The following TULP4 variants were observed in gnomAD, a reference collection of about 807,000 sequenced individuals.
The protein encoded by TULP4 is tubby-related protein 4.
A neutral mutation model predicts 129.0 loss-of-function variants in TULP4; 16 were observed. That is an observed-to-expected ratio of 0.12 (90% CI 0.08 to 0.19). The LOEUF (loss-of-function observed/expected upper bound fraction) is 0.19, where lower values mean the gene tolerates loss of function less well. TULP4 is among the 10% of genes least tolerant of loss of function. The pLI, the probability that TULP4 is intolerant of heterozygous loss-of-function variation, is 1.00. For synonymous variants in TULP4, 998 were observed against 854.0 expected (o/e 1.17, Z -2.94); for missense variants, 1,842 against 2,059.1 (o/e 0.89, Z 2.04).
intron 3 of TULP4, among the ~76,000 whole-genome samples, chr6:158,430,558 T>A (rs1778605996): frequency 6.6e-6 from 1 of 151,922 alleles, no homozygotes; most frequent in Admixed American, 6.6e-5. Context: ...GCCTGACCAA[T>A]ATGGTGAAAC....
chr6:158,238,417 T>G lies in TULP4; in HGVS notation n.68+6114T>G, dbSNP rs558785354. 18 of 96,976 alleles carry G rather than the reference T, an allele frequency of 1.9e-4. No individual in the cohort carries two copies. In the East Asian group the frequency reaches 2.0e-3, roughly 11 times the overall value. The allele number at this position is 96,976 out of a possible 1,614,324, so 6.0% of individuals were successfully genotyped here. A position where few individuals can be genotyped will look rare whatever the true frequency, so the allele number is the denominator to read the frequency against. On this transcript the variant is annotated intron_variant and non_coding_transcript_variant, in intron 1 of 1. Transcript: ENST00000620026. ...AGCAAGTAATGCCTTGTTAAATTGTTTTTTTTTTTTTTTTTAAATTTATTT... is the reference window on the plus strand; with the variant it reads ...AGCAAGTAATGCCTTGTTAAATTGTGTTTTTTTTTTTTTTTAAATTTATTT...
intron 5 of TULP4, 56 bp downstream of exon 5, chr6:158,452,324 T>C: frequency 6.3e-7 from 1 of 1,595,710 alleles, no homozygotes; most frequent in Non-Finnish European, 8.5e-7. Context: ...TGTGCTTGCC[T>C]CAAGGCCGGT....
At chr6:158,460,608 T>C (rs1779401349) in intron 5 of TULP4, among the ~76,000 whole-genome samples, 1 of 152,220 alleles carries the variant, frequency 6.6e-6, no homozygotes, top group South Asian at 2.1e-4. Context: ...GAATTTCCAA[T>C]GTGGAAATTA....
chr6:158,236,774 G>T (rs1182166029), intron 1 of TULP4, among the ~76,000 whole-genome samples: 1 of 137,854 alleles, frequency 7.3e-6, no homozygotes, highest in African/African-American at 2.7e-5. Flanking sequence ...ATACCAAGAT[G>T]GGTAAATGCC....
intron 1 of TULP4, among the ~76,000 whole-genome samples, chr6:158,304,484 C>T (rs1288579882): frequency 6.6e-6 from 1 of 152,040 alleles, no homozygotes; most frequent in Non-Finnish European, 1.5e-5. Context: ...AATGAAAACA[C>T]CCAGGATTGC....
At chr6:158,284,808 A>C (rs1778809352) in intron 1 of TULP4, among the ~76,000 whole-genome samples, 2 of 152,170 alleles carry the variant, frequency 1.3e-5, no homozygotes, top group South Asian at 4.1e-4. Flanking sequence ...ACAAATGAAA[A>C]AACTGAGACC....
intron 6 of TULP4, among the ~76,000 whole-genome samples, chr6:158,470,232 C>T (rs918612263): frequency 6.6e-6 from 1 of 152,222 alleles, no homozygotes; most frequent in Non-Finnish European, 1.5e-5. Context: ...GAGTCAGCGG[C>T]GGGTCTGCGA....
At chr6:158,403,488 C>T (rs1210394767) in intron 1 of TULP4, among the ~76,000 whole-genome samples, 2 of 152,266 alleles carry the variant, frequency 1.3e-5, no homozygotes, top group African/African-American at 2.4e-5. Context: ...TACAGGCATG[C>T]GCCCCTATGC....
At chr6:158,385,959 A>G (rs556028269) in intron 1 of TULP4, among the ~76,000 whole-genome samples, 144 of 149,052 alleles carry the variant, frequency 9.7e-4, no homozygotes, top group Middle Eastern at 3.6e-3. Context: ...ATCCTCCTGC[A>G]TCCGCCTCCT....
intron 2 of TULP4, among the ~76,000 whole-genome samples, chr6:158,417,111 G>A (rs558215854): frequency 6.6e-6 from 1 of 152,242 alleles, no homozygotes; most frequent in South Asian, 2.1e-4. Flanking sequence ...CGACATGACT[G>A]TATACCCCAA....
At chr6:158,257,376 T>C (rs928411986) in intron 1 of TULP4, among the ~76,000 whole-genome samples, 2 of 152,204 alleles carry the variant, frequency 1.3e-5, no homozygotes, top group Non-Finnish European at 2.9e-5. Flanking sequence ...TCAGTCTGTC[T>C]CAAACTCTTA....
chr6:158,444,245 A>AC (rs1778978392), intron 3 of TULP4, among the ~76,000 whole-genome samples: 1 of 117,550 alleles, frequency 8.5e-6, no homozygotes, highest in African/African-American at 2.8e-5. Context: ...AAAAAAAAAA[A>AC]ATTTTTTTTT....
At chr6:158,349,013 T>C (rs192321248) in intron 1 of TULP4, among the ~76,000 whole-genome samples, 36 of 25,984 alleles carry the variant, frequency 1.4e-3, no homozygotes, top group Admixed American at 3.1e-3. Context: ...CGCTCCTCAC[T>C]TCCCAGACGG....
chr6:158,242,791 A>C (rs1322435205), intron 1 of TULP4: 5 of 328,464 alleles, frequency 1.5e-5, no homozygotes, highest in African/African-American at 1.1e-4. Context: ...CACACAGCAC[A>C]GGCACTGAAA....
intron 1 of TULP4, among the ~76,000 whole-genome samples, chr6:158,388,321 T>TC: frequency 1.2e-4 from 14 of 114,270 alleles, no homozygotes; most frequent in African/African-American, 3.4e-4. Context: ...TGCTCGTTTT[T>TC]CTTTTTTTTT....
chr6:158,364,881 G>A (rs542307184), intron 1 of TULP4, among the ~76,000 whole-genome samples: 7 of 151,936 alleles, frequency 4.6e-5, no homozygotes, highest in African/African-American at 9.7e-5. Context: ...GACTACAGGC[G>A]CCCGCCACCA....
At chr6:158,467,638 A>G (rs1779582995) in intron 6 of TULP4, among the ~76,000 whole-genome samples, 1 of 152,182 alleles carries the variant, frequency 6.6e-6, no homozygotes, top group Non-Finnish European at 1.5e-5. Flanking sequence ...TAAAATCACA[A>G]GTCAGATCAG....
At chr6:158,351,707 C>CTTTTTTTTTTTTTTTTTT (rs1160814801) in intron 1 of TULP4, among the ~76,000 whole-genome samples, 1 of 50,496 alleles carries the variant, frequency 2.0e-5, no homozygotes, top group African/African-American at 8.2e-5. Flanking sequence ...TGTTGTTAAA[C>CTTTTTTTTTTTTTTTTTT]TTTTTTTTTT....
chr6:158,495,215 G>C (rs941044811), intron 11 of TULP4, among the ~76,000 whole-genome samples: 1 of 151,994 alleles, frequency 6.6e-6, no homozygotes, highest in Admixed American at 6.6e-5. Context: ...ACCATGCCCG[G>C]CTAATTTTTG....
Sources: gnomAD v4.1 joint callset for allele counts (sites outside exome capture counted in the v4.1 genomes callset) on GRCh38, gnomAD v4.1.1 for gene constraint, MANE v1.5 for transcripts, NCBI Gene and HGNC (gene_info 2026-07-23, HGNC 2026-07-21) for gene names.